Variants in DCLK3 observed in about 807,000 individuals in gnomAD.
DCLK3 encodes serine/threonine-protein kinase DCLK3.
A neutral mutation model predicts 46.4 loss-of-function variants in DCLK3; 30 were observed. The observed-to-expected ratio is 0.65, with a 90% CI of 0.48 to 0.88. DCLK3 has a LOEUF of 0.88. Ranked by LOEUF, DCLK3 falls within the 40% of genes least tolerant of loss-of-function variation. The pLI, the probability that DCLK3 is intolerant of heterozygous loss-of-function variation, is 0.00. For missense variants in DCLK3, 846 were observed against 907.1 expected (o/e 0.93, Z 0.87); for synonymous variants, 401 against 339.2 (o/e 1.18, Z -2.00).
intron 2 of DCLK3, among the ~76,000 whole-genome samples, chr3:36,736,113 G>C (rs1260067580): frequency 6.6e-6 from 1 of 152,214 alleles, no homozygotes; most frequent in Non-Finnish European, 1.5e-5. Context: ...ATTGTCATAA[G>C]GGAGAACACG....
chr3:36,741,802 G>A (rs1005188560), intron 1 of DCLK3, among the ~76,000 whole-genome samples: 5 of 152,180 alleles, frequency 3.3e-5, no homozygotes, highest in Non-Finnish European at 7.3e-5. Flanking sequence ...TTGTATCATG[G>A]GATGATATAA....
At chr3:36,753,217 G>GA in intron 1 of DCLK3, among the ~76,000 whole-genome samples, 1 of 152,166 alleles carries the variant, frequency 6.6e-6, no homozygotes. Flanking sequence ...AGGCAGCATA[G>GA]AAAATATAAA....
At chr3:36,757,460 T>C (rs1015525795) in intron 1 of DCLK3, among the ~76,000 whole-genome samples, 7 of 151,896 alleles carry the variant, frequency 4.6e-5, no homozygotes, top group Admixed American at 2.0e-4. Context: ...CTCAATTTTT[T>C]TCACCTCCTT....
At chr3:36,722,019 C>T (rs1474194021) in intron 2 of DCLK3, among the ~76,000 whole-genome samples, 2 of 152,196 alleles carry the variant, frequency 1.3e-5, no homozygotes, top group Non-Finnish European at 2.9e-5. Context: ...TTGGGAAACA[C>T]AGATAGACAC....
chr3:36,738,747 A>C lies in DCLK3; in HGVS notation c.420T>G (p.Asn140Lys), dbSNP rs1701306443. 1 of 1,303,786 alleles carries C rather than the reference A, an allele frequency of 7.7e-7. No individual in the cohort carries two copies. Among genetic ancestry groups the C allele is most frequent in the African/African-American group, 1.5e-5 (1 of 66,264 alleles). The allele number at this position is 1,303,786 out of a possible 1,614,324, so 80.8% of individuals were successfully genotyped here. The change falls in exon 2 of 5, where the codon AAT becomes AAG. Residue 140 changes from asparagine to lysine, a missense_variant. Around this residue, in one of 3 missense-constraint regions of DCLK3, gnomAD observed 553 missense variants for 543.0 expected, o/e 1.02. Transcript: ENST00000636136. ...SEALGSPRWK[N>K]DRVRKLFNLK... Reference sequence around the variant, plus strand: ...GGTTAAACAGTTTCCTCACACGGTCATTCTTCCATCTGGGAGAGCCCAAGG... The same window carrying C: ...GGTTAAACAGTTTCCTCACACGGTCCTTCTTCCATCTGGGAGAGCCCAAGG...
At chr3:36,733,923 A>G (rs1701228638) in intron 2 of DCLK3, among the ~76,000 whole-genome samples, 1 of 152,232 alleles carries the variant, frequency 6.6e-6, no homozygotes, top group Non-Finnish European at 1.5e-5. Flanking sequence ...AAGCAGCAAC[A>G]CTTACAATCA....
chr3:36,757,872 A>G (rs1183203880), intron 1 of DCLK3, among the ~76,000 whole-genome samples: 1 of 151,740 alleles, frequency 6.6e-6, no homozygotes, highest in Non-Finnish European at 1.5e-5. Flanking sequence ...ATCGCAGTCA[A>G]CCTCAAAGTC....
At chr3:36,729,106 G>A (rs1170747901) in intron 2 of DCLK3, among the ~76,000 whole-genome samples, 6 of 152,158 alleles carry the variant, frequency 3.9e-5, no homozygotes, top group East Asian at 3.9e-4. Context: ...GGTGTGATTC[G>A]ATCAGAGCAG....
Position 36,738,924 on chromosome 3 carries a change from G to T in DCLK3, c.243C>A (p.Gly81=), listed in dbSNP as rs1181071694. Residue 81 remains glycine (G), a synonymous_variant, in exon 2 of 5, where the codon GGC becomes GGA. Transcript: ENST00000636136. ...TGTTCTCAGGATGTGCTGAGTGAAG[G>T]CCATTCCGAGGGCAGAACAAGGGCA... ...PVVPLFCPRN[G]LHSAHPENSP... The T allele has an allele frequency of 2.4e-6, 1 of 412,576 alleles. No homozygotes were observed. Among genetic ancestry groups the T allele is most frequent in the Admixed American group, 4.4e-5 (1 of 22,768 alleles). 25.6% of individuals were successfully genotyped at this position (412,576 alleles called of 1,614,324 possible).
At chr3:36,732,478 AATG>A (rs1701210421) in intron 2 of DCLK3, among the ~76,000 whole-genome samples, 1 of 152,188 alleles carries the variant, frequency 6.6e-6, no homozygotes, top group African/African-American at 2.4e-5. Flanking sequence ...TCATAACTGC[AATG>A]ATTTCTGACA....
In DCLK3 at chr3:36,721,729, A is replaced by G. The variant is rs567531492; in HGVS notation, c.1960-70T>C. ...ACAAAGAAGGGATACTAATGAAACAACAGCCATGCAAGGTCAAGAAAAGCA... is the reference window on the plus strand; with the variant it reads ...ACAAAGAAGGGATACTAATGAAACAGCAGCCATGCAAGGTCAAGAAAAGCA... On this transcript the variant is annotated intron_variant, in intron 2 of 4. Coordinates refer to ENST00000636136, the MANE Select transcript of DCLK3 (RefSeq NM_001394672.2). The G allele has an allele frequency of 6.5e-5, 103 of 1,593,696 alleles. 1 individual carries two copies. In the East Asian group the frequency reaches 2.0e-3, roughly 30 times the overall value.
At chr3:36,719,061 C>A (rs1701024748) in intron 3 of DCLK3, among the ~76,000 whole-genome samples, 1 of 152,068 alleles carries the variant, frequency 6.6e-6, no homozygotes, top group Non-Finnish European at 1.5e-5. Flanking sequence ...CATAATAAAT[C>A]CCTATGTTGT....
intron 1 of DCLK3, among the ~76,000 whole-genome samples, chr3:36,759,420 T>C (rs7635239): frequency 0.27 from 40,385 of 152,118 alleles, 5,557 homozygotes; most frequent in Middle Eastern, 0.37. Flanking sequence ...ATTTTCCAGA[T>C]GGCAAGGCTG....
intron 1 of DCLK3, among the ~76,000 whole-genome samples, chr3:36,745,776 C>T (rs1005072299): frequency 1.3e-5 from 2 of 152,180 alleles, no homozygotes; most frequent in Non-Finnish European, 2.9e-5. Flanking sequence ...TGGGAATAAA[C>T]TCATTTTGCT....
rs757724866 is a variant in DCLK3 at position 36,738,414 on chromosome 3, C to T, written c.753G>A (p.Glu251=). Residue 251 remains glutamate (E), a synonymous_variant, in exon 2 of 5, where the codon GAG becomes GAA. Coordinates refer to ENST00000636136, the MANE Select transcript of DCLK3 (RefSeq NM_001394672.2). Reference sequence around the variant, plus strand: ...TCCTCGCTCTGTCATCTAGTGAAAGCTCCTCGGGGATCTTCCCCTGGTGCC... The same window carrying T: ...TCCTCGCTCTGTCATCTAGTGAAAGTTCCTCGGGGATCTTCCCCTGGTGCC... ...AMRHQGKIPE[E]LSLDDRARTQ... The T allele has an allele frequency of 2.7e-6, 4 of 1,479,660 alleles. No individual in the cohort carries two copies. In the African/African-American group the frequency reaches 4.3e-5, roughly 16 times the overall value. 91.7% of individuals were successfully genotyped at this position (1,479,660 alleles called of 1,614,324 possible). A position where few individuals can be genotyped will look rare whatever the true frequency, so the allele number is the denominator to read the frequency against.
At position 36,737,861 on chromosome 3, in the gene DCLK3, T is replaced by C. The variant is rs772478989; in HGVS notation, c.1306A>G (p.Met436Val). The change falls in exon 2 of 5, where the codon ATG becomes GTG. Residue 436 changes from methionine to valine, a missense_variant. Around this residue, in one of 3 missense-constraint regions of DCLK3, gnomAD observed 553 missense variants for 543.0 expected, o/e 1.02. Coordinates refer to ENST00000636136, the MANE Select transcript of DCLK3 (RefSeq NM_001394672.2). The surrounding 1 kb of genome is among the most constrained non-coding windows in gnomAD (Gnocchi z 4.4). ...CAGCCACCATGTTTGCTCCTGCTCA[T>C]GGGCCTGGTGTCCTTCTTCACCTCC... Reference protein sequence around the residue: ...LREVKKDTRPMSRSKHGGWLL... With the variant: ...LREVKKDTRPVSRSKHGGWLL... The C allele has an allele frequency of 2.5e-6, 4 of 1,613,870 alleles. No homozygotes were observed. Among genetic ancestry groups the C allele is most frequent in the South Asian group, 1.1e-5 (1 of 91,080 alleles).
At chr3:36,756,272 T>C (rs1210747656) in intron 1 of DCLK3, among the ~76,000 whole-genome samples, 4 of 152,226 alleles carry the variant, frequency 2.6e-5, no homozygotes, top group African/African-American at 9.6e-5. Flanking sequence ...AACTGTGATA[T>C]TCACCCATCC....
At position 36,713,466 on chromosome 3, in the gene DCLK3, G is replaced by C. The variant is rs1032144361; in HGVS notation, c.*1862C>G. 3 of 152,336 alleles carry C rather than the reference G, an allele frequency of 2.0e-5. No individual in the cohort carries two copies. Among genetic ancestry groups the C allele is most frequent in the Middle Eastern group, 3.4e-3 (1 of 294 alleles). The allele number at this position is 152,336 out of a possible 1,614,324, so 9.4% of individuals were successfully genotyped here. ...GCTTCCAGCCTCTTTCACGTGTTCA[G>C]AATGAGTCCCATTACACTGCCTGCT... On this transcript the variant is annotated 3_prime_UTR_variant, in exon 5 of 5. Transcript: ENST00000636136.
chr3:36,740,844 G>A (rs938352979), intron 1 of DCLK3, among the ~76,000 whole-genome samples: 34 of 152,138 alleles, frequency 2.2e-4, no homozygotes, highest in East Asian at 3.8e-4. Context: ...TCATTTATAC[G>A]TGTATTTGAA....
Sources: gnomAD v4.1 joint callset for allele counts (sites outside exome capture counted in the v4.1 genomes callset) on GRCh38, gnomAD v4.1.1 for gene constraint, gnomAD v4.1.1 regional missense constraint, Gnocchi (gnomAD v3.1) non-coding constraint, MANE v1.5 for transcripts, NCBI Gene and HGNC (gene_info 2026-07-23, HGNC 2026-07-21) for gene names.